The following TENM2 variants were observed in gnomAD, a reference collection of about 807,000 sequenced individuals.
The protein encoded by TENM2 is teneurin-2.
Under a neutral mutation model 245.2 loss-of-function variants are expected in TENM2, and 52 were observed. The ratio of observed to expected loss-of-function variants is 0.21; its 90% CI spans 0.17 to 0.27. The LOEUF (loss-of-function observed/expected upper bound fraction) is 0.27, where lower values mean the gene tolerates loss of function less well. Among genes scored for constraint, TENM2 ranks in the 10% least tolerant of loss-of-function variants. The pLI, the probability that TENM2 is intolerant of heterozygous loss-of-function variation, is 1.00. For synonymous variants in TENM2, 1,363 were observed against 1,438.9 expected, an observed-to-expected ratio of 0.95 and a Z score of 1.19; for missense variants, 3,046 against 3,666.8, an observed-to-expected ratio of 0.83 and a Z score of 4.37.
chr5:167,008,574 C>A, the TENM2 span, among the ~76,000 whole-genome samples: 1 of 152,164 alleles, frequency 6.6e-6, no homozygotes. Flanking sequence ...TCAGTTGTGT[C>A]ATTTGCATTA....
chr5:167,672,196 CAAA>C (rs1755994461), intron 2 of TENM2, among the ~76,000 whole-genome samples: 1 of 151,786 alleles, frequency 6.6e-6, no homozygotes, highest in African/African-American at 2.4e-5. Flanking sequence ...CATAAAATAA[CAAA>C]AGACAATTTT....
At chr5:167,191,181 T>C in the TENM2 span, among the ~76,000 whole-genome samples, 1 of 152,000 alleles carries the variant, frequency 6.6e-6, no homozygotes, top group Non-Finnish European at 1.5e-5. Context: ...AATATATATA[T>C]ACACCCACAT....
intron 2 of TENM2, among the ~76,000 whole-genome samples, chr5:167,693,648 A>T (rs1317740405): frequency 6.6e-6 from 1 of 151,996 alleles, no homozygotes; most frequent in African/African-American, 2.4e-5. Context: ...AAAAAAAAAA[A>T]AACCACTTGA....
At chr5:167,159,118 T>C in the TENM2 span, among the ~76,000 whole-genome samples, 1 of 151,824 alleles carries the variant, frequency 6.6e-6, no homozygotes, top group Non-Finnish European at 1.5e-5. Flanking sequence ...AATTTTTGTA[T>C]TTTCAGTAGA....
intron 2 of TENM2, among the ~76,000 whole-genome samples, chr5:167,818,140 A>G (rs1767215196): frequency 6.6e-6 from 1 of 152,202 alleles, no homozygotes; most frequent in South Asian, 2.1e-4. Context: ...GTTGAAAACT[A>G]TGGAATCTCC....
intron 19 of TENM2, among the ~76,000 whole-genome samples, chr5:168,206,624 C>T (rs981496144): frequency 2.0e-5 from 3 of 152,186 alleles, no homozygotes; most frequent in African/African-American, 7.2e-5. Context: ...CGCTGCCAAA[C>T]TGGCGATCAG....
intron 2 of TENM2, among the ~76,000 whole-genome samples, chr5:167,716,837 C>T (rs1759293329): frequency 6.6e-6 from 1 of 151,594 alleles, no homozygotes; most frequent in Non-Finnish European, 1.5e-5. Flanking sequence ...TTTCAAGTGA[C>T]TAAAATTTAC....
intron 27 of TENM2, among the ~76,000 whole-genome samples, chr5:168,260,039 C>G (rs1416767056): frequency 6.6e-6 from 1 of 152,190 alleles, no homozygotes; most frequent in East Asian, 1.9e-4. Context: ...ATCTGTCTTA[C>G]TTGAGCAAGG....
chr5:168,124,891 G>A, exon 11 of TENM2: 1 of 1,613,204 alleles, frequency 6.2e-7, no homozygotes, highest in Non-Finnish European at 8.5e-7. Context: ...CGGAGTCTGT[G>A]TGAATGGAGA....
intron 1 of TENM2, among the ~76,000 whole-genome samples, chr5:167,356,006 A>G (rs1335282203): frequency 6.6e-6 from 1 of 151,212 alleles, no homozygotes; most frequent in Non-Finnish European, 1.5e-5. Flanking sequence ...AACACGGTGA[A>G]ACCCCGTCCC....
At chr5:167,193,905 C>A in the TENM2 span, among the ~76,000 whole-genome samples, 1 of 152,088 alleles carries the variant, frequency 6.6e-6, no homozygotes, top group African/African-American at 2.4e-5. Context: ...TTTGTCTCAG[C>A]AAACATAATT....
intron 2 of TENM2, among the ~76,000 whole-genome samples, chr5:167,533,702 C>G (rs1166364754): frequency 6.6e-6 from 1 of 152,046 alleles, no homozygotes; most frequent in Admixed American, 6.6e-5. Flanking sequence ...TGAAGAAATC[C>G]TACCACTTCA....
At chr5:167,243,469 G>A in the TENM2 span, among the ~76,000 whole-genome samples, 2 of 151,914 alleles carry the variant, frequency 1.3e-5, no homozygotes, top group African/African-American at 4.8e-5. Context: ...TGGGAGCCAT[G>A]GGAAAAAAGA....
intron 2 of TENM2, among the ~76,000 whole-genome samples, chr5:167,508,944 A>G (rs1468704179): frequency 6.6e-6 from 1 of 152,038 alleles, no homozygotes; most frequent in African/African-American, 2.4e-5. Context: ...TCAGCCTCCC[A>G]AGTAGCTGGG....
chr5:168,111,915 G>T (rs1794699318), intron 9 of TENM2, among the ~76,000 whole-genome samples: 1 of 152,092 alleles, frequency 6.6e-6, no homozygotes, highest in Admixed American at 6.6e-5. Context: ...CTTTGCCTAG[G>T]TTTTCATTCA....
At chr5:168,006,047 C>T (rs934208259) in intron 5 of TENM2, among the ~76,000 whole-genome samples, 1 of 152,134 alleles carries the variant, frequency 6.6e-6, no homozygotes, top group African/African-American at 2.4e-5. Flanking sequence ...TCACTGGCTT[C>T]GTGAAAAAAC....
chr5:167,773,130 G>A (rs1020060617), intron 2 of TENM2, among the ~76,000 whole-genome samples: 3 of 152,136 alleles, frequency 2.0e-5, no homozygotes, highest in Non-Finnish European at 4.4e-5. Flanking sequence ...GTGTGTGTGT[G>A]CTCCATGGTT....
chr5:167,583,288 T>A (rs1037278748), intron 2 of TENM2, among the ~76,000 whole-genome samples: 5 of 152,202 alleles, frequency 3.3e-5, no homozygotes, highest in Non-Finnish European at 7.3e-5. Flanking sequence ...AACTAATCTA[T>A]CAATAAGCTA....
chr5:166,999,895 G>C, the TENM2 span, among the ~76,000 whole-genome samples: 1 of 152,076 alleles, frequency 6.6e-6, no homozygotes, highest in Non-Finnish European at 1.5e-5. Flanking sequence ...AAGGAATAGA[G>C]CTGGAGATGG....
Sources: allele counts gnomAD v4.1 joint callset (sites outside exome capture counted in the v4.1 genomes callset), GRCh38; gene constraint gnomAD v4.1.1; transcripts MANE v1.5; gene names NCBI Gene and HGNC (gene_info 2026-07-23, HGNC 2026-07-21).